The following TLCD4 variants were observed in gnomAD, a reference collection of about 807,000 sequenced individuals.
TLCD4 encodes TLC domain containing 4.
In TLCD4, 7 loss-of-function variants were observed where a neutral mutation model predicts 24.2. That is an observed-to-expected ratio of 0.29 (90% confidence interval 0.16 to 0.54). The LOEUF is 0.54. Ranked by LOEUF, TLCD4 falls within the 20% of genes least tolerant of loss-of-function variation. The pLI is 0.95. For missense variants in TLCD4, 259 were observed against 313.9 expected, an observed-to-expected ratio of 0.82 and a Z score of 1.32; for synonymous variants, 103 against 106.4, an observed-to-expected ratio of 0.97 and a Z score of 0.20.
Position 95,197,063 on chromosome 1 carries a change from A to G in TLCD4, c.*5195A>G, listed in dbSNP as rs1016257680. The G allele has an allele frequency of 1.3e-5, 2 of 152,176 alleles. No homozygotes were observed. The highest frequency in any genetic ancestry group is 2.9e-5 in the Non-Finnish European group (2 of 68,012). 9.4% of individuals were successfully genotyped at this position (152,176 alleles called of 1,614,324 possible). A position where few individuals can be genotyped will look rare whatever the true frequency, so the allele number is the denominator to read the frequency against. ...GTGATATATATAGATACATAGATAT[A>G]TACTTTTTTCTGAGAATGTATAATA... On this transcript the variant is annotated 3_prime_UTR_variant, in exon 7 of 7. Transcript: ENST00000370203.
chr1:95,169,139 T>C (rs1678123502), intron 5 of TLCD4, among the ~76,000 whole-genome samples: 1 of 152,214 alleles, frequency 6.6e-6, no homozygotes, highest in Non-Finnish European at 1.5e-5. Context: ...TAACGTACCT[T>C]GGACTCACCT....
At chr1:95,139,667 C>T (rs1677146588) in intron 1 of TLCD4, among the ~76,000 whole-genome samples, 1 of 151,850 alleles carries the variant, frequency 6.6e-6, no homozygotes, top group South Asian at 2.1e-4. Context: ...ACCATGTTGA[C>T]CAGGCTGGTC....
At chr1:95,093,920 T>C in the TLCD4 span, among the ~76,000 whole-genome samples, 1 of 152,186 alleles carries the variant, frequency 6.6e-6, no homozygotes, top group Non-Finnish European at 1.5e-5. Flanking sequence ...TCCCTTTATA[T>C]ATGACCCTGT....
chr1:95,171,090 T>C (rs1449393689), intron 5 of TLCD4, among the ~76,000 whole-genome samples: 3 of 152,092 alleles, frequency 2.0e-5, no homozygotes, highest in East Asian at 1.9e-4. Context: ...ATTTCGAATA[T>C]GTATTAAAAT....
chr1:95,134,420 G>A (rs1676990524), intron 1 of TLCD4, among the ~76,000 whole-genome samples: 1 of 152,172 alleles, frequency 6.6e-6, no homozygotes, highest in Non-Finnish European at 1.5e-5. Context: ...AGGGGCAGAG[G>A]TGCCAAGGCC....
chr1:95,167,823 C>T (rs1678071564), intron 5 of TLCD4, among the ~76,000 whole-genome samples: 1 of 152,142 alleles, frequency 6.6e-6, no homozygotes, highest in Admixed American at 6.5e-5. Context: ...TCCCTTTCGA[C>T]CCCCACATTC....
intron 5 of TLCD4, among the ~76,000 whole-genome samples, chr1:95,167,227 T>C (rs1432690719): frequency 6.6e-6 from 1 of 152,152 alleles, no homozygotes; most frequent in African/African-American, 2.4e-5. Flanking sequence ...CCACCAGAGC[T>C]AGGATTCAAA....
At chr1:95,121,099 G>A (rs1341544444) in intron 1 of TLCD4, 1 of 152,186 alleles carries the variant, frequency 6.6e-6, no homozygotes, top group Non-Finnish European at 1.5e-5. Flanking sequence ...ATGCAGAAGA[G>A]GGGACTTTCC....
chr1:95,183,032 G>GC, intron 6 of TLCD4, among the ~76,000 whole-genome samples: 1 of 152,292 alleles, frequency 6.6e-6, no homozygotes, highest in Admixed American at 6.5e-5. Flanking sequence ...CCAGTAGACA[G>GC]TGAGATTATA....
At chr1:95,168,594 G>T (rs1039906666) in intron 5 of TLCD4, among the ~76,000 whole-genome samples, 3 of 112,580 alleles carry the variant, frequency 2.7e-5, no homozygotes, top group African/African-American at 6.9e-5. Context: ...AAGAGACGGG[G>T]TCTCACTAAT....
chr1:95,139,174 C>CAAA (rs71097248), intron 1 of TLCD4, among the ~76,000 whole-genome samples: 13 of 76,804 alleles, frequency 1.7e-4, no homozygotes, highest in Admixed American at 8.1e-4. Flanking sequence ...GAACCTGTGT[C>CAAA]AAAAAAAAAA....
At chr1:95,095,695 A>G in the TLCD4 span, among the ~76,000 whole-genome samples, 1 of 152,072 alleles carries the variant, frequency 6.6e-6, no homozygotes, top group African/African-American at 2.4e-5. Flanking sequence ...CCGCGCCGGC[A>G]CCTCTTTAGG....
the TLCD4 span, among the ~76,000 whole-genome samples, chr1:95,102,506 T>A: frequency 6.6e-6 from 1 of 152,198 alleles, no homozygotes; most frequent in East Asian, 1.9e-4. Context: ...AAGAAGAGTA[T>A]GGAAAGGAGG....
At chr1:95,186,902 A>G (rs1190556075) in intron 6 of TLCD4, among the ~76,000 whole-genome samples, 2 of 151,776 alleles carry the variant, frequency 1.3e-5, no homozygotes, top group Non-Finnish European at 2.9e-5. Context: ...TCAATAAAAT[A>G]TTTTCAAGCT....
rs533161053 is a variant in TLCD4 at position 95,120,545 on chromosome 1, A to G, written c.-12+2928A>G. ...AGAAGGCAATGGATATATAAGAAGG[A>G]GCTTCTGAACTGGTGTAAAAGGCCA... On this transcript the variant is annotated intron_variant, in intron 1 of 6. Transcript: ENST00000370203. Among the ~76,000 whole-genome samples the G allele has an allele frequency of 1.7e-4, 26 of 152,324 alleles. 1 individual carries two copies. In the South Asian group the frequency reaches 5.2e-3, roughly 30 times the overall value.
chr1:95,142,726 C>T (rs979253002), intron 1 of TLCD4, among the ~76,000 whole-genome samples: 1 of 152,028 alleles, frequency 6.6e-6, no homozygotes, highest in Non-Finnish European at 1.5e-5. Context: ...CTGAGGTGGG[C>T]AGATCACGAG....
chr1:95,162,481 G>A (rs1250298014), intron 5 of TLCD4, among the ~76,000 whole-genome samples: 2 of 151,882 alleles, frequency 1.3e-5, no homozygotes, highest in Non-Finnish European at 2.9e-5. Flanking sequence ...TCTTTTAATT[G>A]GCTCATTTAG....
intron 1 of TLCD4, among the ~76,000 whole-genome samples, chr1:95,139,336 C>G (rs1677135121): frequency 1.3e-5 from 2 of 151,258 alleles, no homozygotes; most frequent in Non-Finnish European, 2.9e-5. Context: ...TTACTGTAGG[C>G]TTTATAAACA....
intron 5 of TLCD4, among the ~76,000 whole-genome samples, chr1:95,157,359 A>G (rs1475006267): frequency 3.9e-5 from 6 of 152,158 alleles, no homozygotes; most frequent in African/African-American, 1.2e-4. Flanking sequence ...TTAAATTTTC[A>G]TTTTACATAT....
Sources: allele counts gnomAD v4.1 joint callset (sites outside exome capture counted in the v4.1 genomes callset), GRCh38; gene constraint gnomAD v4.1.1; transcripts MANE v1.5; gene names NCBI Gene and HGNC (gene_info 2026-07-23, HGNC 2026-07-21).